Variants in G3BP2 observed in about 807,000 individuals in gnomAD.
G3BP2 encodes the protein G3BP stress granule assembly factor 2, also known as ras GTPase-activating protein-binding protein 2.
In G3BP2, 11 loss-of-function variants were observed where a neutral mutation model predicts 56.7. The observed-to-expected ratio is 0.19, with a 90% CI of 0.12 to 0.32. G3BP2 has a LOEUF of 0.32. Among genes scored for constraint, G3BP2 ranks in the 10% least tolerant of loss-of-function variants. The pLI, the probability that G3BP2 is intolerant of heterozygous loss-of-function variation, is 1.00. For missense variants in G3BP2, 340 were observed against 610.9 expected, an observed-to-expected ratio of 0.56 and a Z score of 4.67; for synonymous variants, 165 against 191.6, an observed-to-expected ratio of 0.86 and a Z score of 1.15.
intron 8 of G3BP2, among the ~76,000 whole-genome samples, chr4:75,651,683 T>C (rs1271959814): frequency 6.6e-6 from 1 of 152,188 alleles, no homozygotes; most frequent in African/African-American, 2.4e-5. Context: ...TGCCACACAG[T>C]AGAGGGCCTT....
chr4:75,684,687 T>C (rs1343173757), intron 3 of G3BP2, among the ~76,000 whole-genome samples: 1 of 152,022 alleles, frequency 6.6e-6, no homozygotes, highest in African/African-American at 2.4e-5. Context: ...CATGCCACCA[T>C]GCCCAGCTAA....
At chr4:75,673,467 AG>A (rs1560406579), upstream of G3BP2, 2 of 1,230,680 alleles carry the variant, frequency 1.6e-6, no homozygotes, top group East Asian at 6.3e-5. Flanking sequence ...CGAAAGGGCC[AG>A]GGAACCCCCG....
intron 3 of G3BP2, among the ~76,000 whole-genome samples, chr4:75,700,217 C>G (rs1014524033): frequency 4.0e-5 from 6 of 151,692 alleles, no homozygotes; most frequent in Non-Finnish European, 8.8e-5. Flanking sequence ...CCACACCCAG[C>G]TACTTTTTGT....
chr4:75,703,600 G>C lies in G3BP2; in HGVS notation c.-25+17277C>G, dbSNP rs536460754. On this transcript the variant is annotated intron_variant, in intron 3 of 3. Coordinates refer to the G3BP2 transcript ENST00000499709. The stretch of plus-strand genomic sequence containing the variant: ...CAGGGTTTTTAGCCTCTTGAGGATT[G>C]AGGTCCCCTCAGCTGGGGATACAAG... Among the ~76,000 whole-genome samples the C allele has an allele frequency of 9.9e-5, 15 of 152,266 alleles. No homozygotes were observed. The South Asian group carries it at 2.9e-3, about 29-fold the overall frequency.
chr4:75,697,273 C>CAAAAAAAAAAAAAAAAA lies in G3BP2; in HGVS notation c.-25+23587_-25+23603dup, dbSNP rs869037819. Among the ~76,000 whole-genome samples, 53 of 28,800 alleles carry CAAAAAAAAAAAAAAAAA rather than the reference C, an allele frequency of 1.8e-3. 1 individual carries two copies. Among genetic ancestry groups the CAAAAAAAAAAAAAAAAA allele is most frequent in the South Asian group, 9.8e-3 (3 of 306 alleles). The allele number at this position is 28,800 out of a possible 152,430, so 18.9% of individuals were successfully genotyped here. ...TGGCTGACAGAGCGAGACTCTGTCT[C>CAAAAAAAAAAAAAAAAA]AAAAAAAAAAAAAAAAAAAAAAAAA... On this transcript the variant is annotated intron_variant, in intron 3 of 3. Coordinates refer to the G3BP2 transcript ENST00000499709.
chr4:75,684,713 C>T (rs928348761), intron 3 of G3BP2, among the ~76,000 whole-genome samples: 1 of 151,974 alleles, frequency 6.6e-6, no homozygotes, highest in Non-Finnish European at 1.5e-5. Context: ...AGTTTTTAAT[C>T]TGAAGCCTAA....
intron 3 of G3BP2, among the ~76,000 whole-genome samples, chr4:75,704,524 G>A (rs1719469825): frequency 6.6e-6 from 1 of 151,960 alleles, no homozygotes; most frequent in South Asian, 2.1e-4. Context: ...TCACTATGAT[G>A]CCCAGGATGG....
chr4:75,707,603 C>CAAAAAA (rs34253273), intron 3 of G3BP2, among the ~76,000 whole-genome samples: 1 of 116,806 alleles, frequency 8.6e-6, no homozygotes, highest in African/African-American at 3.2e-5. Flanking sequence ...GAGCGAGACT[C>CAAAAAA]AAAAAAAAAA....
At chr4:75,657,367 A>G (rs1269777378) in intron 4 of G3BP2, among the ~76,000 whole-genome samples, 190 bp downstream of exon 4, 1 of 152,230 alleles carries the variant, frequency 6.6e-6, no homozygotes, top group Non-Finnish European at 1.5e-5. Flanking sequence ...ACAAACTTGT[A>G]TCAGTATTTG....
intron 2 of G3BP2, among the ~76,000 whole-genome samples, chr4:75,660,830 C>T (rs1240059019): frequency 6.6e-6 from 1 of 152,148 alleles, no homozygotes; most frequent in African/African-American, 2.4e-5. Context: ...CACCTATCTT[C>T]TACTTGCTAA....
chr4:75,655,102 C>CGGA lies in G3BP2; in HGVS notation c.687_689dup (p.Pro230dup), dbSNP rs761280068. On this transcript the variant is annotated inframe_insertion, in exon 7 of 12. Coordinates refer to ENST00000359707, the MANE Select transcript of G3BP2 (RefSeq NM_203505.3). Reference sequence around the variant, plus strand: ...CTTGTGGCAGAGAAACAGGTTCTGCCGGAGGAGGAGTAGTAGATTTCTCCT... The same window carrying CGGA: ...CTTGTGGCAGAGAAACAGGTTCTGCCGGAGGAGGAGGAGTAGTAGATTTCTCCT... The CGGA allele has an allele frequency of 1.2e-6, 2 of 1,613,192 alleles. No individual in the cohort carries two copies. Among genetic ancestry groups the CGGA allele is most frequent in the African/African-American group, 2.7e-5 (2 of 74,868 alleles).
At position 75,643,295 on chromosome 4, in the gene G3BP2, T is replaced by TTATATATATATATATATATATATATATA. The variant is rs6148524; in HGVS notation, c.*2134_*2135insTATATATATATATATATATATATATATA. 4.2e-3 allele frequency: 420 copies of TTATATATATATATATATATATATATATA among 99,596 alleles called. 21 individuals carry two copies. Among genetic ancestry groups the TTATATATATATATATATATATATATATA allele is most frequent in the African/African-American group, 7.4e-3 (175 of 23,626 alleles). The allele number at this position is 99,596 out of a possible 1,614,324, so 6.2% of individuals were successfully genotyped here. A position where few individuals can be genotyped will look rare whatever the true frequency, so the allele number is the denominator to read the frequency against. On this transcript the variant is annotated 3_prime_UTR_variant, in exon 12 of 12. Transcript: ENST00000359707. ...GCAGGGCAATATCCTGAATTGGAAATTATATATATATATATATATATGGAA... is the reference window on the plus strand; with the variant it reads ...GCAGGGCAATATCCTGAATTGGAAATTATATATATATATATATATATATATATATATATATATATATATATATATGGAA...
intron 3 of G3BP2, among the ~76,000 whole-genome samples, chr4:75,703,569 G>C (rs1719428015): frequency 6.6e-6 from 1 of 152,206 alleles, no homozygotes; most frequent in Non-Finnish European, 1.5e-5. Flanking sequence ...CTGTGAAATA[G>C]ACAAACAGGG....
intron 3 of G3BP2, among the ~76,000 whole-genome samples, chr4:75,684,793 CT>C (rs905580307): frequency 8.6e-4 from 124 of 144,374 alleles, no homozygotes; most frequent in Admixed American, 9.1e-4. Context: ...ATGTATGTCT[CT>C]TTTTTTTTTT....
chr4:75,652,993 G>C (rs539333402), intron 8 of G3BP2, among the ~76,000 whole-genome samples: 1 of 152,060 alleles, frequency 6.6e-6, no homozygotes, highest in African/African-American at 2.4e-5. Flanking sequence ...TCTTCATATG[G>C]GTAGAAAAGC....
At chr4:75,718,615 G>A (rs565054121) in intron 3 of G3BP2, among the ~76,000 whole-genome samples, 2 of 152,260 alleles carry the variant, frequency 1.3e-5, no homozygotes, top group African/African-American at 4.8e-5. Flanking sequence ...CAGCTCCTAT[G>A]CCATATGCTT....
Position 75,647,192 on chromosome 4 carries a change from C to T in G3BP2, c.929-35G>A. The T allele has an allele frequency of 2.1e-6, 3 of 1,421,222 alleles. No homozygotes were observed. The South Asian group carries it at 3.9e-5, about 18-fold the overall frequency. 88.0% of individuals were successfully genotyped at this position (1,421,222 alleles called of 1,614,324 possible). A position where few individuals can be genotyped will look rare whatever the true frequency, so the allele number is the denominator to read the frequency against. On this transcript the variant is annotated intron_variant, in intron 9 of 11. Coordinates refer to ENST00000359707, the MANE Select transcript of G3BP2 (RefSeq NM_203505.3). ...GAAATAGAGCAGATACTAAAGTTTACAATATCATAAAAACTACTTCAAAGG... is the reference window on the plus strand; with the variant it reads ...GAAATAGAGCAGATACTAAAGTTTATAATATCATAAAAACTACTTCAAAGG...
rs1341939602 is a variant in G3BP2, at chr4:75,662,027, T to G, written c.-2A>C. On this transcript the variant is annotated 5_prime_UTR_variant, in exon 2 of 12. Coordinates refer to ENST00000359707, the MANE Select transcript of G3BP2 (RefSeq NM_203505.3). ...CGGACTGGGCTTCTCCATAACCATTTCTTTGCTGCACAATGTCAAATGCTG... is the reference window on the plus strand; with the variant it reads ...CGGACTGGGCTTCTCCATAACCATTGCTTTGCTGCACAATGTCAAATGCTG... 2.5e-6 allele frequency: 4 copies of G among 1,602,882 alleles called. No individual in the cohort carries two copies. Among genetic ancestry groups the G allele is most frequent in the Non-Finnish European group, 3.4e-6 (4 of 1,170,362 alleles).
intron 3 of G3BP2, among the ~76,000 whole-genome samples, chr4:75,708,573 G>A (rs1170883102): frequency 2.0e-5 from 3 of 152,248 alleles, no homozygotes; most frequent in Non-Finnish European, 4.4e-5. Flanking sequence ...GCTGGTGGAA[G>A]CAGTAATTTG....
Sources: allele counts gnomAD v4.1 joint callset (sites outside exome capture counted in the v4.1 genomes callset), GRCh38; gene constraint gnomAD v4.1.1; transcripts MANE v1.5; gene names NCBI Gene and HGNC (gene_info 2026-07-23, HGNC 2026-07-21).